The following CORO2B variants were observed in gnomAD, a reference collection of about 807,000 sequenced individuals.
CORO2B encodes coronin 2B, also known as coronin-2B.
A neutral mutation model predicts 58.8 loss-of-function variants in CORO2B; 26 were observed. The ratio of observed to expected loss-of-function variants is 0.44; its 90% CI spans 0.32 to 0.61. The LOEUF (loss-of-function observed/expected upper bound fraction) is 0.61, where lower values mean the gene tolerates loss of function less well. Among genes scored for constraint, CORO2B ranks in the 20% least tolerant of loss-of-function variants. The pLI is 0.04. For missense variants in CORO2B, 460 were observed against 645.1 expected (o/e 0.71, Z 3.11); for synonymous variants, 242 against 253.8 (o/e 0.95, Z 0.44).
chr15:68,580,595 G>T (rs1174020587), intron 1 of CORO2B, among the ~76,000 whole-genome samples: 1 of 152,202 alleles, frequency 6.6e-6, no homozygotes, highest in East Asian at 1.9e-4. Context: ...ACTTGAGGGT[G>T]CAGGGGCTTC....
chr15:68,679,835 G>A (rs1032711561), intron 2 of CORO2B, among the ~76,000 whole-genome samples: 1 of 152,208 alleles, frequency 6.6e-6, no homozygotes, highest in African/African-American at 2.4e-5. Context: ...CACTTACAAT[G>A]TAAAGGACAT....
At position 68,588,553 on chromosome 15, in the gene CORO2B, G is replaced by A. The variant is rs138618093; in HGVS notation, c.15+9276G>A. On this transcript the variant is annotated intron_variant, in intron 1 of 11. Transcript: ENST00000261861. The stretch of plus-strand genomic sequence containing the variant: ...GGGTCCCAGAGCACAGTCCTACCTG[G>A]GTCCCTGGGCAGAAAGACCAGGTTC... Among the ~76,000 whole-genome samples the A allele has an allele frequency of 2.1e-3, 316 of 152,190 alleles. 1 individual carries two copies. Among genetic ancestry groups the A allele is most frequent in the African/African-American group, 7.1e-3 (294 of 41,536 alleles).
chr15:68,589,778 G>A (rs543011469), intron 1 of CORO2B, among the ~76,000 whole-genome samples: 14 of 152,350 alleles, frequency 9.2e-5, no homozygotes, highest in Middle Eastern at 3.4e-3. Context: ...GGAGGCACCT[G>A]GTTGGAGAGA....
intron 8 of CORO2B, among the ~76,000 whole-genome samples, chr15:68,717,430 T>C (rs1893057795): frequency 6.6e-6 from 1 of 151,658 alleles, no homozygotes; most frequent in Admixed American, 6.6e-5. Flanking sequence ...GAGAGAATAA[T>C]AGGTGGGGAG....
chr15:68,671,233 C>T (rs536994006), intron 2 of CORO2B, among the ~76,000 whole-genome samples: 1 of 152,292 alleles, frequency 6.6e-6, no homozygotes, highest in East Asian at 1.9e-4. Context: ...AATTATTCTT[C>T]CTCTGTATTT....
chr15:68,548,322 C>T, the CORO2B span, among the ~76,000 whole-genome samples: 2 of 152,030 alleles, frequency 1.3e-5, no homozygotes, highest in Non-Finnish European at 2.9e-5. Context: ...TACTAATGGC[C>T]AGTCTACATT....
chr15:68,551,771 A>T, the CORO2B span, among the ~76,000 whole-genome samples: 22,811 of 152,260 alleles, frequency 0.15, 2,076 homozygotes, highest in Middle Eastern at 0.24. Flanking sequence ...CTGCAGTTTA[A>T]TTTAAATGTT....
At chr15:68,598,747 T>G (rs917283429) in intron 1 of CORO2B, among the ~76,000 whole-genome samples, 2 of 152,226 alleles carry the variant, frequency 1.3e-5, no homozygotes, top group East Asian at 3.8e-4. Flanking sequence ...GGAGCTGATC[T>G]GCTAACTGGA....
intron 2 of CORO2B, among the ~76,000 whole-genome samples, chr15:68,647,034 C>T (rs548562050): frequency 3.9e-4 from 59 of 152,290 alleles, no homozygotes; most frequent in African/African-American, 1.4e-3. Flanking sequence ...CCCTGCCATG[C>T]TCCACTTTAG....
At chr15:68,691,643 A>G (rs1048161710) in intron 2 of CORO2B, among the ~76,000 whole-genome samples, 2 of 149,292 alleles carry the variant, frequency 1.3e-5, no homozygotes, top group African/African-American at 2.5e-5. Flanking sequence ...AAAAAAAAAA[A>G]AAAGAAAAGA....
chr15:68,613,440 C>T (rs1900284778), intron 1 of CORO2B, among the ~76,000 whole-genome samples: 1 of 152,088 alleles, frequency 6.6e-6, no homozygotes, highest in Non-Finnish European at 1.5e-5. Flanking sequence ...CCATTTCAAC[C>T]CTCTCAGAAC....
intron 1 of CORO2B, among the ~76,000 whole-genome samples, chr15:68,627,432 T>G (rs941766356): frequency 6.6e-6 from 1 of 151,962 alleles, no homozygotes; most frequent in African/African-American, 2.4e-5. Context: ...TGGGGGGTGG[T>G]CAGGGAAGGT....
chr15:68,641,835 C>T (rs1361413486), intron 1 of CORO2B, among the ~76,000 whole-genome samples: 2 of 152,096 alleles, frequency 1.3e-5, no homozygotes, highest in African/African-American at 2.4e-5. Context: ...GCCATCCTCC[C>T]ACCTCAGCCT....
At chr15:68,585,075 C>T (rs1246793775) in intron 1 of CORO2B, among the ~76,000 whole-genome samples, 1 of 152,208 alleles carries the variant, frequency 6.6e-6, no homozygotes, top group Non-Finnish European at 1.5e-5. Context: ...TGGCAACCTC[C>T]TTCCAATTAA....
At chr15:68,534,106 T>G in the CORO2B span, among the ~76,000 whole-genome samples, 2 of 152,238 alleles carry the variant, frequency 1.3e-5, no homozygotes, top group Non-Finnish European at 2.9e-5. Flanking sequence ...ATCCTCTGGC[T>G]AGAAAGGCCT....
At position 68,714,131 on chromosome 15, in the gene CORO2B, C is replaced by G. The variant is rs966696847; in HGVS notation, c.765+90C>G. The G allele has an allele frequency of 2.0e-5, 16 of 794,634 alleles. No homozygotes were observed. In the Admixed American group the frequency reaches 3.1e-4, roughly 15 times the overall value. 49.2% of individuals were successfully genotyped at this position (794,634 alleles called of 1,614,324 possible). On this transcript the variant is annotated intron_variant, in intron 6 of 11. Transcript: ENST00000261861. Reference sequence around the variant, plus strand: ...CCTCAGAAAGTCAGGAGCCTGGGCCCGCACACCAGCTTCTCATAGCATTCC... The same window carrying G: ...CCTCAGAAAGTCAGGAGCCTGGGCCGGCACACCAGCTTCTCATAGCATTCC...
At chr15:68,545,738 C>T in the CORO2B span, among the ~76,000 whole-genome samples, 1 of 151,914 alleles carries the variant, frequency 6.6e-6, no homozygotes, top group African/African-American at 2.4e-5. Context: ...TATCATAGTC[C>T]AATGCTGTAG....
At chr15:68,555,938 G>A in the CORO2B span, among the ~76,000 whole-genome samples, 1 of 152,234 alleles carries the variant, frequency 6.6e-6, no homozygotes, top group South Asian at 2.1e-4. Flanking sequence ...TGTGATCTGT[G>A]AGTCTGTGGG....
the CORO2B span, among the ~76,000 whole-genome samples, chr15:68,552,518 T>C: frequency 8.5e-5 from 13 of 152,168 alleles, no homozygotes; most frequent in Non-Finnish European, 1.6e-4. Context: ...CAGCTTTATC[T>C]GTTGCCTCGG....
Sources: allele counts gnomAD v4.1 joint callset (sites outside exome capture counted in the v4.1 genomes callset), GRCh38; gene constraint gnomAD v4.1.1; transcripts MANE v1.5; gene names NCBI Gene and HGNC (gene_info 2026-07-23, HGNC 2026-07-21).